MLNR: variants seen among roughly 807,000 people sequenced by gnomAD.
MLNR encodes motilin receptor.
Under a neutral mutation model 20.0 loss-of-function variants are expected in MLNR, and 16 were observed. The ratio of observed to expected loss-of-function variants is 0.80; its 90% CI spans 0.54 to 1.22. The LOEUF is 1.22. Among genes scored for constraint, MLNR ranks in the 50% most tolerant of loss-of-function variants. The pLI, the probability that MLNR is intolerant of heterozygous loss-of-function variation, is 0.00. For synonymous variants in MLNR, 302 were observed against 287.2 expected (o/e 1.05, Z -0.52); for missense variants, 630 against 592.3 (o/e 1.06, Z -0.66).
In MLNR at chr13:49,220,815, G is replaced by C; in HGVS notation, c.478G>C (p.Ala160Pro). ...CCGGCGCCGCGTCCGCGCGCTCATC[G>C]CTGTGCTCTGGGCCGTGGCGCTGCT... ...VTRRRVRALI[A>P]VLWAVALLSA... Residue 160 changes from alanine (A) to proline (P), a missense_variant, in exon 1 of 2, where the codon GCT (alanine) becomes CCT (proline). By Grantham distance (27) the Ala-to-Pro change is conservative. Transcript: ENST00000218721. The surrounding 1 kb of genome is among the most constrained non-coding windows in gnomAD (Gnocchi z 4.4). The C allele has an allele frequency of 6.4e-7, 1 of 1,572,166 alleles. No homozygotes were observed. The highest frequency in any genetic ancestry group is 8.6e-7 in the Non-Finnish European group (1 of 1,160,242).
At position 49,220,711 on chromosome 13, in the gene MLNR, C is replaced by G. The variant is rs573066414; in HGVS notation, c.374C>G (p.Thr125Arg). ...GTGGGCGAGGGCTGCACCTACGCCA[C>G]GCTGCTGCACATGACCGCGCTCAGC... is the stretch of plus-strand genomic sequence containing the variant. ...LYVGEGCTYA[T>R]LLHMTALSVE... Residue 125 changes from threonine (T) to arginine (R), a missense_variant, in exon 1 of 2, where the codon ACG becomes AGG. Coordinates refer to ENST00000218721, the MANE Select transcript of MLNR (RefSeq NM_001507.1). This position sits in a 1 kb window ranked among gnomAD's most constrained non-coding sequence, Gnocchi z 4.4. 1.8e-5 allele frequency: 28 copies of G among 1,593,108 alleles called. No individual in the cohort carries two copies. The South Asian group carries it at 3.2e-4, about 18-fold the overall frequency.
At chr13:49,221,374 C>T (rs1443582770) in intron 1 of MLNR, 136 bp downstream of exon 1, 2 of 898,240 alleles carry the variant, frequency 2.2e-6, no homozygotes, top group African/African-American at 1.7e-5. Flanking sequence ...ATTTCGATTC[C>T]AGCCTCCACC....
chr13:49,222,347 G>A lies in MLNR; in HGVS notation c.1209G>A (p.Glu403=). The part of the protein sequence containing the change: ...DTGGDTVGYT[E]TSANVKTMG ...GAGGAGACACGGTGGGCTACACCGA[G>A]ACAAGCGCTAACGTGAAGACGATGG... is the stretch of plus-strand genomic sequence containing the variant. The change falls in exon 2 of 2, where the codon GAG becomes GAA. Residue 403 remains glutamate, a synonymous_variant. Transcript: ENST00000218721. 1 of 1,613,480 alleles carries A rather than the reference G, an allele frequency of 6.2e-7. No individual in the cohort carries two copies. Among genetic ancestry groups the A allele is most frequent in the Non-Finnish European group, 8.5e-7 (1 of 1,179,854 alleles).
chr13:49,221,918 TAGA>T lies in MLNR; in HGVS notation c.902-119_902-117del, dbSNP rs896622689. Reference sequence around the variant, plus strand: ...TTTCTGGGGTGAGGATCTGCCTAGGTAGAAGTTTTCTCTAATTTATTTTGCTGT... The same window carrying T: ...TTTCTGGGGTGAGGATCTGCCTAGGTAGTTTTCTCTAATTTATTTTGCTGT... On this transcript the variant is annotated intron_variant, in intron 1 of 1. Coordinates refer to ENST00000218721, the MANE Select transcript of MLNR (RefSeq NM_001507.1). The T allele has an allele frequency of 1.5e-5, 13 of 879,762 alleles. No individual in the cohort carries two copies. The African/African-American group carries it at 1.7e-4, about 11-fold the overall frequency. The allele number at this position is 879,762 out of a possible 1,614,324, so 54.5% of individuals were successfully genotyped here.
In MLNR at chr13:49,222,172, A is replaced by G. The variant is rs201807193; in HGVS notation, c.1034A>G (p.Tyr345Cys). Residue 345 changes from tyrosine to cysteine, a missense_variant, in exon 2 of 2, where the codon TAT becomes TGT. Physicochemically the swap from Tyr to Cys is radical, Grantham distance 194. Coordinates refer to ENST00000218721, the MANE Select transcript of MLNR (RefSeq NM_001507.1). The part of the protein sequence containing the change: ...YFNIVALQLF[Y>C]LSASINPILY... The stretch of plus-strand genomic sequence containing the variant: ...AACATCGTCGCTCTGCAACTTTTCT[A>G]TCTGAGCGCATCTATCAACCCAATC... 8 of 1,613,928 alleles carry G rather than the reference A, an allele frequency of 5.0e-6. No individual in the cohort carries two copies. The highest frequency in any genetic ancestry group is 1.7e-5 in the Admixed American group (1 of 59,992).
At chr13:49,221,542 T>TAATCC (rs1234551117) in intron 1 of MLNR, among the ~76,000 whole-genome samples, 1 of 152,198 alleles carries the variant, frequency 6.6e-6, no homozygotes, top group Admixed American at 6.5e-5. Context: ...TGGTAATTCT[T>TAATCC]AATCCAACCA....
chr13:49,221,193 G>C lies in MLNR; in HGVS notation c.856G>C (p.Ala286Pro). Reference sequence around the variant, plus strand: ...CCGGCGGCCGCTGCGAGGCCCGGCCGCCTCGGGGCGGGAGAGAGGCCACCG... The same window carrying C: ...CCGGCGGCCGCTGCGAGGCCCGGCCCCCTCGGGGCGGGAGAGAGGCCACCG... ...SSRRPLRGPAASGRERGHRQT... is the reference protein window; with the variant it reads ...SSRRPLRGPAPSGRERGHRQT... The change falls in exon 1 of 2, where the codon GCC becomes CCC. Residue 286 changes from alanine (A) to proline (P), a missense_variant. By Grantham distance (27) the Ala-to-Pro change is conservative. Transcript: ENST00000218721. 1 of 1,585,790 alleles carries C rather than the reference G, an allele frequency of 6.3e-7. No individual in the cohort carries two copies. Among genetic ancestry groups the C allele is most frequent in the Non-Finnish European group, 8.5e-7 (1 of 1,174,598 alleles).
intron 1 of MLNR, 22 bp from the exon 2 acceptor site, chr13:49,222,018 G>A (rs550009440): frequency 2.5e-6 from 4 of 1,599,528 alleles, no homozygotes; most frequent in Non-Finnish European, 3.4e-6. Flanking sequence ...TGTTAATCCC[G>A]GTGCTGTGTC....
At chr13:49,221,324 G>A (rs751867272) in intron 1 of MLNR, 86 bp downstream of exon 1, 1 of 1,377,356 alleles carries the variant, frequency 7.3e-7, no homozygotes, top group South Asian at 1.2e-5. Flanking sequence ...CCCTTCCCCT[G>A]CTCGCCCAGC....
rs373830822 is a variant in MLNR at position 49,221,203 on chromosome 13, G to T, written c.866G>T (p.Arg289Leu). The change falls in exon 1 of 2, where the codon CGG becomes CTG. Residue 289 changes from arginine to leucine, a missense_variant. Physicochemically the swap from Arg to Leu is moderately radical, Grantham distance 102. Coordinates refer to ENST00000218721, the MANE Select transcript of MLNR (RefSeq NM_001507.1). ...CTGCGAGGCCCGGCCGCCTCGGGGC[G>T]GGAGAGAGGCCACCGGCAGACCGTC... is the stretch of plus-strand genomic sequence containing the variant. ...RPLRGPAASG[R>L]ERGHRQTVRV... 265 of 1,587,638 alleles carry T rather than the reference G, an allele frequency of 1.7e-4. 2 individuals are homozygous for T. The South Asian group carries it at 2.6e-3, about 15-fold the overall frequency.
rs751513783 is a variant in MLNR at position 49,220,895 on chromosome 13, C to T, written c.558C>T (p.Ser186=). 4 of 1,564,832 alleles carry T rather than the reference C, an allele frequency of 2.6e-6. No homozygotes were observed. Among genetic ancestry groups the T allele is most frequent in the Non-Finnish European group, 3.5e-6 (4 of 1,157,606 alleles). The change falls in exon 1 of 2, where the codon TCC becomes TCT. Residue 186 remains serine (S), a synonymous_variant. Transcript: ENST00000218721. This position sits in a 1 kb window ranked among gnomAD's most constrained non-coding sequence, Gnocchi z 4.4. ...LVGVEQDPGI[S]VVPGLNGTAR... ...GCGTCGAGCAGGACCCCGGCATCTC[C>T]GTAGTCCCGGGCCTCAATGGCACCG... is the stretch of plus-strand genomic sequence containing the variant.
In MLNR at chr13:49,222,276, T is replaced by C. The variant is rs1887024088; in HGVS notation, c.1138T>C (p.Phe380Leu). ...LLARKSRPRG[F>L]HRSRDTAGEV... ...CGCAAGGAAGTCCAGGCCGAGAGGC[T>C]TCCACAGAAGCAGGGACACTGCGGG... The change falls in exon 2 of 2, where the codon TTC becomes CTC. Residue 380 changes from phenylalanine (F) to leucine (L), a missense_variant. Phe to Leu is a conservative substitution (Grantham distance 22, BLOSUM62 0). Coordinates refer to ENST00000218721, the MANE Select transcript of MLNR (RefSeq NM_001507.1). 1.2e-6 allele frequency: 2 copies of C among 1,613,648 alleles called. No individual in the cohort carries two copies. Among genetic ancestry groups the C allele is most frequent in the East Asian group, 2.2e-5 (1 of 44,844 alleles).
chr13:49,221,151 C>T lies in MLNR; in HGVS notation c.814C>T (p.Arg272Trp). 6.3e-7 allele frequency: 1 copy of T among 1,591,336 alleles called. No homozygotes were observed. The highest frequency in any genetic ancestry group is 8.5e-7 in the Non-Finnish European group (1 of 1,176,988). ...CAGCATCCTCTACGGGCTCATCGGGCGGGAGCTGTGGAGCAGCCGGCGGCC... is the reference window on the plus strand; with the variant it reads ...CAGCATCCTCTACGGGCTCATCGGGTGGGAGCTGTGGAGCAGCCGGCGGCC... The part of the protein sequence containing the change: ...CLSILYGLIG[R>W]ELWSSRRPLR... The change falls in exon 1 of 2, where the codon CGG becomes TGG. Residue 272 changes from arginine to tryptophan, a missense_variant. Transcript: ENST00000218721.
At chr13:49,221,326 T>G in intron 1 of MLNR, 88 bp downstream of exon 1, 1 of 1,375,280 alleles carries the variant, frequency 7.3e-7, no homozygotes, top group South Asian at 1.2e-5. Flanking sequence ...CTTCCCCTGC[T>G]CGCCCAGCTC....
rs1432152868 is a variant in MLNR at position 49,221,149 on chromosome 13, G to C, written c.812G>C (p.Gly271Ala). The change falls in exon 1 of 2, where the codon GGG (glycine) becomes GCG (alanine). Residue 271 changes from glycine to alanine, a missense_variant. Coordinates refer to ENST00000218721, the MANE Select transcript of MLNR (RefSeq NM_001507.1). Reference sequence around the variant, plus strand: ...CTCAGCATCCTCTACGGGCTCATCGGGCGGGAGCTGTGGAGCAGCCGGCGG... The same window carrying C: ...CTCAGCATCCTCTACGGGCTCATCGCGCGGGAGCTGTGGAGCAGCCGGCGG... Reference protein sequence around the residue: ...LCLSILYGLIGRELWSSRRPL... With the variant: ...LCLSILYGLIARELWSSRRPL... The C allele has an allele frequency of 1.3e-6, 2 of 1,591,304 alleles. No homozygotes were observed. The highest frequency in any genetic ancestry group is 1.7e-6 in the Non-Finnish European group (2 of 1,177,022).
chr13:49,220,728 G>A lies in MLNR; in HGVS notation c.391G>A (p.Ala131Thr), dbSNP rs200654649. Residue 131 changes from alanine (A) to threonine (T), a missense_variant, in exon 1 of 2, where the codon GCG becomes ACG. Physicochemically the swap from Ala to Thr is moderately conservative, Grantham distance 58. Coordinates refer to ENST00000218721, the MANE Select transcript of MLNR (RefSeq NM_001507.1). The surrounding 1 kb of genome is among the most constrained non-coding windows in gnomAD (Gnocchi z 4.4). ...CTACGCCACGCTGCTGCACATGACCGCGCTCAGCGTCGAGCGCTACCTGGC... is the reference window on the plus strand; with the variant it reads ...CTACGCCACGCTGCTGCACATGACCACGCTCAGCGTCGAGCGCTACCTGGC... ...CTYATLLHMT[A>T]LSVERYLAIC... The A allele has an allele frequency of 3.8e-6, 6 of 1,585,590 alleles. No homozygotes were observed. Among genetic ancestry groups the A allele is most frequent in the Middle Eastern group, 1.7e-4 (1 of 5,996 alleles).
chr13:49,220,761 C>A lies in MLNR; in HGVS notation c.424C>A (p.Arg142Ser), dbSNP rs765896205. ...LSVERYLAICRPLRARVLVTR... is the reference protein window; with the variant it reads ...LSVERYLAICSPLRARVLVTR... ...CGTCGAGCGCTACCTGGCCATCTGC[C>A]GCCCGCTCCGCGCCCGCGTCTTGGT... is the stretch of plus-strand genomic sequence containing the variant. Residue 142 changes from arginine (R) to serine (S), a missense_variant, in exon 1 of 2, where the codon CGC (arginine) becomes AGC (serine). Arg to Ser is a moderately radical substitution (Grantham distance 110). Transcript: ENST00000218721. This position sits in a 1 kb window ranked among gnomAD's most constrained non-coding sequence, Gnocchi z 4.4. 5.7e-5 allele frequency: 90 copies of A among 1,568,568 alleles called. 1 individual carries two copies. The South Asian group carries it at 9.7e-4, about 17-fold the overall frequency.
chr13:49,222,209 C>T lies in MLNR; in HGVS notation c.1071C>T (p.Leu357=), dbSNP rs766576375. The change falls in exon 2 of 2, where the codon CTC becomes CTT. Residue 357 remains leucine (L), a synonymous_variant. Coordinates refer to ENST00000218721, the MANE Select transcript of MLNR (RefSeq NM_001507.1). ...SASINPILYN[L]ISKKYRAAAF... ...CTATCAACCCAATCCTCTACAACCT[C>T]ATTTCAAAGAAGTACAGAGCGGCGG... The T allele has an allele frequency of 6.2e-7, 1 of 1,614,190 alleles. No individual in the cohort carries two copies. Among genetic ancestry groups the T allele is most frequent in the Non-Finnish European group, 8.5e-7 (1 of 1,180,044 alleles).
At position 49,222,171 on chromosome 13, in the gene MLNR, T is replaced by C. The variant is rs1887021735; in HGVS notation, c.1033T>C (p.Tyr345His). ...YFNIVALQLFYLSASINPILY... is the reference protein window; with the variant it reads ...YFNIVALQLFHLSASINPILY... ...TAACATCGTCGCTCTGCAACTTTTC[T>C]ATCTGAGCGCATCTATCAACCCAAT... The change falls in exon 2 of 2, where the codon TAT (tyrosine) becomes CAT (histidine). Residue 345 changes from tyrosine to histidine, a missense_variant. Physicochemically the swap from Tyr to His is moderately conservative, Grantham distance 83. Coordinates refer to ENST00000218721, the MANE Select transcript of MLNR (RefSeq NM_001507.1). The C allele has an allele frequency of 1.2e-6, 2 of 1,614,076 alleles. No individual in the cohort carries two copies. Among genetic ancestry groups the C allele is most frequent in the African/African-American group, 1.3e-5 (1 of 74,918 alleles).
Sources: gnomAD v4.1 joint callset for allele counts (sites outside exome capture counted in the v4.1 genomes callset) on GRCh38, gnomAD v4.1.1 for gene constraint, Gnocchi (gnomAD v3.1) non-coding constraint, MANE v1.5 for transcripts, NCBI Gene and HGNC (gene_info 2026-07-23, HGNC 2026-07-21) for gene names.